The following EVC variants were observed in gnomAD, a reference collection of about 807,000 sequenced individuals.
The protein encoded by EVC is EvC ciliary complex subunit 1.
Under a neutral mutation model 118.9 loss-of-function variants are expected in EVC, and 116 were observed. The observed-to-expected ratio is 0.98, with a 90% CI of 0.84 to 1.14. EVC has a LOEUF of 1.14. Among genes scored for constraint, EVC ranks in the 50% most tolerant of loss-of-function variants. The pLI is 0.00. For synonymous variants in EVC, 619 were observed against 534.7 expected, an observed-to-expected ratio of 1.16 and a Z score of -2.18; for missense variants, 1,401 against 1,246.4, an observed-to-expected ratio of 1.12 and a Z score of -1.87.
intron 11 of EVC, among the ~76,000 whole-genome samples, chr4:5,759,075 T>TG (rs34699195): frequency 0.66 from 99,985 of 151,442 alleles, 33,135 homozygotes; most frequent in East Asian, 0.8. Context: ...TGGAGGGCGG[T>TG]GGGGGCGGGT....
At chr4:5,808,685 A>G (rs1716408888) in intron 18 of EVC, among the ~76,000 whole-genome samples, 1 of 152,368 alleles carries the variant, frequency 6.6e-6, no homozygotes, top group African/African-American at 2.4e-5. Flanking sequence ...TGTGTCACTC[A>G]GGCAGTGTTG....
intron 1 of EVC, among the ~76,000 whole-genome samples, chr4:5,712,757 TG>T (rs1477154109): frequency 6.6e-6 from 1 of 152,118 alleles, no homozygotes; most frequent in Non-Finnish European, 1.5e-5. Flanking sequence ...GTAGGTGAGT[TG>T]GGGGTTGTCA....
Position 5,712,895 on chromosome 4 carries a change from C to T in EVC, c.174+1341C>T, listed in dbSNP as rs115947926. Among the ~76,000 whole-genome samples, 259 of 152,334 alleles carry T rather than the reference C, an allele frequency of 1.7e-3. 1 individual carries two copies. The highest frequency in any genetic ancestry group is 5.7e-3 in the African/African-American group (238 of 41,578). Reference sequence around the variant, plus strand: ...GTTTATAGACATCTGGTTCTTTATCCTCCAGCCCATGAGGTGGAGGAACTG... The same window carrying T: ...GTTTATAGACATCTGGTTCTTTATCTTCCAGCCCATGAGGTGGAGGAACTG... On this transcript the variant is annotated intron_variant, in intron 1 of 20. Transcript: ENST00000264956.
At chr4:5,772,260 C>G (rs1560381211) in intron 11 of EVC, among the ~76,000 whole-genome samples, 4 of 152,114 alleles carry the variant, frequency 2.6e-5, no homozygotes. Flanking sequence ...AGAAGTACAA[C>G]TCACAGTGCC....
At chr4:5,768,938 C>T (rs1247005833) in intron 11 of EVC, among the ~76,000 whole-genome samples, 1 of 152,106 alleles carries the variant, frequency 6.6e-6, no homozygotes, top group Non-Finnish European at 1.5e-5. Flanking sequence ...GGTACCCTGC[C>T]TTGCTGGCTG....
At position 5,752,628 on chromosome 4, in the gene EVC, C is replaced by A. The variant is rs6812234; in HGVS notation, c.1099-208C>A. On this transcript the variant is annotated intron_variant, in intron 8 of 20. Transcript: ENST00000264956. ...ATGCTAAGCTGCGTCAGCCTCCCCGCACCCTAGGAGAGACACTTAATCCCC... is the reference window on the plus strand; with the variant it reads ...ATGCTAAGCTGCGTCAGCCTCCCCGAACCCTAGGAGAGACACTTAATCCCC... 0.3 allele frequency: 189,214 copies of A among 639,884 alleles called. 30,180 individuals are homozygous for A. Among genetic ancestry groups the A allele is most frequent in the Admixed American group, 0.41 (17,113 of 41,944 alleles). 39.6% of individuals were successfully genotyped at this position (639,884 alleles called of 1,614,324 possible).
chr4:5,719,745 C>G lies in EVC; in HGVS notation c.300+372C>G, dbSNP rs920522830. 1.3e-5 allele frequency among the ~76,000 whole-genome samples: 2 copies of G among 152,178 alleles called. No homozygotes were observed. Among genetic ancestry groups the G allele is most frequent in the Non-Finnish European group, 2.9e-5 (2 of 68,038 alleles). On this transcript the variant is annotated intron_variant, in intron 2 of 20. Coordinates refer to ENST00000264956, the MANE Select transcript of EVC (RefSeq NM_153717.3). This position sits in a 1 kb window ranked among gnomAD's most constrained non-coding sequence, Gnocchi z 4.7. ...GCAAATGGAATTGTGCTGTTCTGTG[C>G]CTGTGTTCCCTCCACAGAATGCCTT...
intron 2 of EVC, among the ~76,000 whole-genome samples, chr4:5,721,230 C>T (rs148025233): frequency 2.1e-3 from 321 of 152,222 alleles, no homozygotes; most frequent in African/African-American, 7.4e-3. Context: ...TTCAAAGCAA[C>T]ACTATTCACA....
the EVC span, chr4:5,828,068 T>A: frequency 3.5e-5 from 34 of 985,430 alleles, no homozygotes; most frequent in Middle Eastern, 5.2e-4. Flanking sequence ...GGGTAACACC[T>A]TGCTCCACAG....
intron 11 of EVC, among the ~76,000 whole-genome samples, chr4:5,776,572 A>C (rs1020937294): frequency 3.3e-5 from 5 of 152,142 alleles, no homozygotes; most frequent in African/African-American, 7.2e-5. Context: ...AAATTTCATT[A>C]TCTCTTCAAA....
In EVC at chr4:5,729,299, C is replaced by T. The variant is rs758978764; in HGVS notation, c.301-8C>T. 1.9e-6 allele frequency: 3 copies of T among 1,614,028 alleles called. No homozygotes were observed. Among genetic ancestry groups the T allele is most frequent in the East Asian group, 2.2e-5 (1 of 44,878 alleles). On this transcript the variant is annotated splice_region_variant and splice_polypyrimidine_tract_variant and intron_variant, in intron 2 of 20. Transcript: ENST00000264956. Reference sequence around the variant, plus strand: ...GTTTCCCATGCCGTTTGTGTCTTTCCCTCCCAGGAATGTGAGCCGCCTTCC... The same window carrying T: ...GTTTCCCATGCCGTTTGTGTCTTTCTCTCCCAGGAATGTGAGCCGCCTTCC...
intron 2 of EVC, among the ~76,000 whole-genome samples, chr4:5,724,846 C>T (rs1725557149): frequency 6.6e-6 from 1 of 152,086 alleles, no homozygotes; most frequent in Non-Finnish European, 1.5e-5. Flanking sequence ...GCCCAGCATG[C>T]ACTAGCTATT....
Position 5,731,376 on chromosome 4 carries a change from A to G in EVC, c.385-49A>G, listed in dbSNP as rs758754122. On this transcript the variant is annotated intron_variant, in intron 3 of 20. Transcript: ENST00000264956. The surrounding 1 kb of genome is among the most constrained non-coding windows in gnomAD (Gnocchi z 5.6). Reference sequence around the variant, plus strand: ...GGTAGAATTATGAATACTAGATCAAATCCCAGAGGCATCACATGGACTGAG... The same window carrying G: ...GGTAGAATTATGAATACTAGATCAAGTCCCAGAGGCATCACATGGACTGAG... The G allele has an allele frequency of 9.9e-6, 14 of 1,418,698 alleles. No homozygotes were observed. The highest frequency in any genetic ancestry group is 1.7e-5 in the Admixed American group (1 of 59,724). The allele number at this position is 1,418,698 out of a possible 1,614,324, so 87.9% of individuals were successfully genotyped here. A position where few individuals can be genotyped will look rare whatever the true frequency, so the allele number is the denominator to read the frequency against.
At chr4:5,775,737 G>A (rs1309146735) in intron 11 of EVC, among the ~76,000 whole-genome samples, 1 of 152,160 alleles carries the variant, frequency 6.6e-6, no homozygotes, top group East Asian at 1.9e-4. Flanking sequence ...TGGCTGACGT[G>A]AACTTTCTTG....
chr4:5,818,012 A>C (rs914772332), downstream of EVC, among the ~76,000 whole-genome samples: 1 of 152,122 alleles, frequency 6.6e-6, no homozygotes, highest in African/African-American at 2.4e-5. Context: ...CTGTGTCCCC[A>C]CCCAAATCTC....
chr4:5,741,447 C>T (rs1394873488), intron 5 of EVC, among the ~76,000 whole-genome samples: 4 of 152,166 alleles, frequency 2.6e-5, no homozygotes, highest in Non-Finnish European at 5.9e-5. Context: ...ACAGAGTAAG[C>T]ACTCAATATT....
At position 5,748,226 on chromosome 4, in the gene EVC, C is replaced by A. The variant is rs121908425; in HGVS notation, c.1018C>A (p.Arg340=). The A allele has an allele frequency of 2.3e-5, 37 of 1,614,010 alleles. No homozygotes were observed. The highest frequency in any genetic ancestry group is 2.5e-6 in the Non-Finnish European group (3 of 1,180,042). Residue 340 remains arginine, a synonymous_variant, in exon 8 of 21, where the codon CGA becomes AGA. Coordinates refer to ENST00000264956, the MANE Select transcript of EVC (RefSeq NM_153717.3). ...GTTTAAGTGTTCCAGCTCCAAAGCC[C>A]GACAGCTGATGATGACTCTGACGGA... The part of the protein sequence containing the change: ...DQFKCSSSKA[R]QLMMTLTERM...
In EVC at chr4:5,798,600, G is replaced by A. The variant is rs1338507408; in HGVS notation, c.2112G>A (p.Leu704=). 1.3e-6 allele frequency: 2 copies of A among 1,571,096 alleles called. No homozygotes were observed. The highest frequency in any genetic ancestry group is 1.4e-5 in the African/African-American group (1 of 74,024). ...QLLRALEARV[L]EEASRLEEEA... ...TTCCCTCCCAGGAGGCGCGTGTGCT[G>A]GAGGAGGCCAGCCGGCTAGAGGAGG... Residue 704 remains leucine, a synonymous_variant, in exon 15 of 21, where the codon CTG becomes CTA. Transcript: ENST00000264956. The surrounding 1 kb of genome is among the most constrained non-coding windows in gnomAD (Gnocchi z 4.1).
intron 12 of EVC, among the ~76,000 whole-genome samples, chr4:5,785,860 C>A (rs533333711): frequency 6.6e-6 from 1 of 152,166 alleles, no homozygotes; most frequent in South Asian, 2.1e-4. Flanking sequence ...CTATTCATTC[C>A]AAATCCTAGG....
Sources: gnomAD v4.1 joint callset for allele counts (sites outside exome capture counted in the v4.1 genomes callset) on GRCh38, gnomAD v4.1.1 for gene constraint, Gnocchi (gnomAD v3.1) non-coding constraint, MANE v1.5 for transcripts, NCBI Gene and HGNC (gene_info 2026-07-23, HGNC 2026-07-21) for gene names.